Variants in CFAP47 observed in about 807,000 individuals in gnomAD.
The protein encoded by CFAP47 is cilia and flagella associated protein 47.
Under a neutral mutation model 148.1 loss-of-function variants are expected in CFAP47, and 29 were observed. The observed-to-expected ratio is 0.20, with a 90% CI of 0.15 to 0.27. The LOEUF (loss-of-function observed/expected upper bound fraction) is 0.27. Ranked by LOEUF, CFAP47 falls within the 10% of genes least tolerant of loss-of-function variation. The probability of loss-of-function intolerance (pLI) is 1.00; values close to 1 mark genes in which losing one functional copy is unlikely to be tolerated. For missense variants in CFAP47, 1,872 were observed against 1,697.5 expected, an observed-to-expected ratio of 1.10 and a Z score of -1.81; for synonymous variants, 664 against 577.3, an observed-to-expected ratio of 1.15 and a Z score of -2.15.
intron 32 of CFAP47, among the ~76,000 whole-genome samples, chrX:36,100,925 C>G (rs1011669458): frequency 3.6e-5 from 4 of 110,732 alleles, no homozygotes; most frequent in African/African-American, 1.3e-4. Flanking sequence ...CTGCTGGGGC[C>G]CAGGAGTCCA....
At chrX:36,352,231 A>T in intron 59 of CFAP47, among the ~76,000 whole-genome samples, 1 of 111,424 alleles carries the variant, frequency 9.0e-6, no homozygotes, top group Non-Finnish European at 1.9e-5. Context: ...TGTAACTTTG[A>T]TAACATTAAT....
At chrX:36,345,175 TTATC>T (rs1371169721) in intron 57 of CFAP47, among the ~76,000 whole-genome samples, 3 of 111,789 alleles carry the variant, frequency 2.7e-5, no homozygotes, top group African/African-American at 9.7e-5. Flanking sequence ...TTAATTAACT[TTATC>T]TATTTCGTAC....
chrX:36,314,913 A>G (rs1941421991), intron 56 of CFAP47, among the ~76,000 whole-genome samples: 4 of 111,805 alleles, frequency 3.6e-5, no homozygotes, highest in Admixed American at 1.9e-4. Flanking sequence ...GATGACGGAT[A>G]TGGATGGGTT....
At chrX:36,222,985 T>C in intron 45 of CFAP47, among the ~76,000 whole-genome samples, 1 of 110,957 alleles carries the variant, frequency 9.0e-6, no homozygotes, top group African/African-American at 3.3e-5. Flanking sequence ...ACCATACTCT[T>C]GATGCTGTAC....
At chrX:36,370,783 G>A (rs988429207) in intron 62 of CFAP47, among the ~76,000 whole-genome samples, 11 of 111,158 alleles carry the variant, frequency 9.9e-5, no homozygotes. Context: ...TTCAGGATTT[G>A]ACTGGTTCCT....
chrX:36,234,109 C>T (rs782327586), intron 46 of CFAP47, among the ~76,000 whole-genome samples: 2 of 108,437 alleles, frequency 1.8e-5, no homozygotes, highest in South Asian at 4.2e-4. Flanking sequence ...TTGCTCTTCT[C>T]GAGGAGTATC....
chrX:36,246,882 C>T (rs1397745565), intron 48 of CFAP47, among the ~76,000 whole-genome samples: 2 of 111,033 alleles, frequency 1.8e-5, no homozygotes, highest in Non-Finnish European at 3.8e-5. Context: ...TTTAAAATAA[C>T]GTAAACTGAG....
At chrX:35,944,683 T>G (rs1936060009) in intron 3 of CFAP47, among the ~76,000 whole-genome samples, 1 of 112,024 alleles carries the variant, frequency 8.9e-6, no homozygotes, top group African/African-American at 3.2e-5. Context: ...GAGGCAAAAA[T>G]CTGCTTAGCA....
intron 8 of CFAP47, among the ~76,000 whole-genome samples, chrX:35,962,923 TGTG>T (rs1230277306): frequency 3.0e-4 from 28 of 94,309 alleles, no homozygotes; most frequent in Admixed American, 2.4e-3. Flanking sequence ...ATAAATAAAA[TGTG>T]GTGTGTGTGT....
chrX:36,145,634 A>C (rs186105297), intron 36 of CFAP47, among the ~76,000 whole-genome samples: 1 of 111,538 alleles, frequency 9.0e-6, no homozygotes, highest in African/African-American at 3.3e-5. Context: ...ATACAAGTTA[A>C]TTTACTGCTT....
chrX:36,222,208 G>T (rs1157127500), intron 45 of CFAP47, among the ~76,000 whole-genome samples: 4 of 111,848 alleles, frequency 3.6e-5, no homozygotes, highest in African/African-American at 1.3e-4. Flanking sequence ...GACATTTGAG[G>T]TTGGTCCGGC....
At chrX:36,173,399 C>G (rs949213585) in intron 39 of CFAP47, among the ~76,000 whole-genome samples, 1 of 111,634 alleles carries the variant, frequency 9.0e-6, no homozygotes, top group Non-Finnish European at 1.9e-5. Flanking sequence ...GTTAGGGTAT[C>G]AATTTTAGAT....
In CFAP47 at chrX:36,089,068, T is replaced by A. The variant is rs1227206881; in HGVS notation, c.4916+3530T>A. 6.2e-5 allele frequency among the ~76,000 whole-genome samples: 7 copies of A among 112,183 alleles called. No individual in the cohort carries two copies. The East Asian group carries it at 2.0e-3, about 31-fold the overall frequency. The stretch of plus-strand genomic sequence containing the variant: ...CACTTGTGATTTTCACTTTTATCCT[T>A]AAAAATTTTATATCCTGGGCTGGGT... On this transcript the variant is annotated intron_variant, in intron 30 of 63. Transcript: ENST00000378653.
At chrX:35,972,298 C>T (rs921115652) in intron 13 of CFAP47, among the ~76,000 whole-genome samples, 2 of 110,773 alleles carry the variant, frequency 1.8e-5, no homozygotes, top group Admixed American at 1.9e-4. Flanking sequence ...GGCATGATCT[C>T]GGTTCACTAC....
At chrX:36,232,269 T>A (rs1488178931) in intron 46 of CFAP47, among the ~76,000 whole-genome samples, 7 of 111,929 alleles carry the variant, frequency 6.3e-5, no homozygotes, top group Non-Finnish European at 1.1e-4. Flanking sequence ...GGTAAGCTAT[T>A]GATTATTGCC....
At chrX:35,972,500 G>A (rs1428797019) in intron 13 of CFAP47, among the ~76,000 whole-genome samples, 3 of 111,288 alleles carry the variant, frequency 2.7e-5, no homozygotes, top group African/African-American at 9.8e-5. Context: ...CCCAAATGCT[G>A]TGATTACAGA....
At chrX:36,240,458 C>A (rs188936885) in intron 48 of CFAP47, among the ~76,000 whole-genome samples, 12 of 111,279 alleles carry the variant, frequency 1.1e-4, no homozygotes, top group Admixed American at 1.0e-3. Context: ...ATGAAAAAGA[C>A]CAACATTCTG....
intron 2 of CFAP47, among the ~76,000 whole-genome samples, chrX:35,938,085 G>C (rs992612078): frequency 9.0e-6 from 1 of 111,370 alleles, no homozygotes; most frequent in African/African-American, 3.3e-5. Context: ...TATATATAGT[G>C]AGTGTTACGA....
intron 45 of CFAP47, among the ~76,000 whole-genome samples, chrX:36,208,353 G>A (rs1363609707): frequency 9.1e-6 from 1 of 110,407 alleles, no homozygotes; most frequent in East Asian, 2.9e-4. Flanking sequence ...ATGCACAGGG[G>A]ATTTGTTCCA....
Sources: gnomAD v4.1 joint callset for allele counts (sites outside exome capture counted in the v4.1 genomes callset) on GRCh38, gnomAD v4.1.1 for gene constraint, MANE v1.5 for transcripts, NCBI Gene and HGNC (gene_info 2026-07-23, HGNC 2026-07-21) for gene names.